Variants in MCU observed in about 807,000 individuals in gnomAD.
MCU encodes calcium uniporter protein, mitochondrial.
MCU carries 12 observed loss-of-function variants against 45.2 expected under a neutral mutation model. The observed-to-expected ratio is 0.27, with a 90% confidence interval of 0.17 to 0.43. MCU has a LOEUF of 0.43. Among genes scored for constraint, MCU ranks in the 20% least tolerant of loss-of-function variants. The pLI is 1.00. For synonymous variants in MCU, 160 were observed against 165.1 expected (o/e 0.97, Z 0.24); for missense variants, 324 against 436.7 (o/e 0.74, Z 2.30).
chr10:72,773,263 A>G (rs1843839143), intron 1 of MCU, among the ~76,000 whole-genome samples: 1 of 152,198 alleles, frequency 6.6e-6, no homozygotes, highest in Admixed American at 6.5e-5. Context: ...TCAGAAATTT[A>G]TCAGAGAAAT....
chr10:72,882,071 C>A (rs553475411), intron 6 of MCU, among the ~76,000 whole-genome samples: 9 of 152,164 alleles, frequency 5.9e-5, no homozygotes, highest in African/African-American at 1.9e-4. Flanking sequence ...TAATTTCTTA[C>A]GCCTGTCTTT....
chr10:72,763,064 G>A (rs971506392), intron 1 of MCU, among the ~76,000 whole-genome samples: 1 of 151,916 alleles, frequency 6.6e-6, no homozygotes, highest in Non-Finnish European at 1.5e-5. Flanking sequence ...TTCCTTTCAG[G>A]CTGCCATCTC....
At chr10:72,862,834 G>C (rs1042243998) in intron 4 of MCU, among the ~76,000 whole-genome samples, 2 of 151,874 alleles carry the variant, frequency 1.3e-5, no homozygotes, top group African/African-American at 4.8e-5. Context: ...CGAGGCAGGA[G>C]GATTGCTTAA....
At chr10:72,804,768 A>G (rs1844404497) in intron 1 of MCU, among the ~76,000 whole-genome samples, 1 of 152,158 alleles carries the variant, frequency 6.6e-6, no homozygotes, top group South Asian at 2.1e-4. Flanking sequence ...AATTGTATCC[A>G]CGTCTTAGCC....
At chr10:72,714,849 A>G (rs1466201823) in intron 1 of MCU, among the ~76,000 whole-genome samples, 1 of 152,164 alleles carries the variant, frequency 6.6e-6, no homozygotes, top group African/African-American at 2.4e-5. Flanking sequence ...CCCTGCCCAA[A>G]TATTTAATAC....
intron 4 of MCU, among the ~76,000 whole-genome samples, chr10:72,866,708 A>G (rs1049140592): frequency 1.3e-5 from 2 of 152,130 alleles, no homozygotes; most frequent in African/African-American, 4.8e-5. Context: ...TTATAAATAC[A>G]TGGGGAAGAT....
intron 1 of MCU, among the ~76,000 whole-genome samples, chr10:72,797,229 TTA>T (rs1844263150): frequency 1.3e-5 from 2 of 150,058 alleles, no homozygotes; most frequent in African/African-American, 2.5e-5. Flanking sequence ...TTATTTTATT[TTA>T]TTTTTTTTTT....
At chr10:72,755,189 G>A (rs1387591988) in intron 1 of MCU, among the ~76,000 whole-genome samples, 1 of 118,496 alleles carries the variant, frequency 8.4e-6, no homozygotes, top group Non-Finnish European at 1.7e-5. Context: ...TGCTCTTGTT[G>A]CCTGGGCTAG....
Position 72,852,470 on chromosome 10 carries a change from A to G in MCU, c.221-6707A>G, listed in dbSNP as rs542146058. ...AGTATTAGCTGCTATGGGAATTACTATCCTGCTATAAACAACTAGAACACC... is the reference window on the plus strand; with the variant it reads ...AGTATTAGCTGCTATGGGAATTACTGTCCTGCTATAAACAACTAGAACACC... On this transcript the variant is annotated intron_variant, in intron 2 of 7. Coordinates refer to ENST00000373053, the MANE Select transcript of MCU (RefSeq NM_138357.3). 8.5e-5 allele frequency among the ~76,000 whole-genome samples: 13 copies of G among 152,362 alleles called. No individual in the cohort carries two copies. The East Asian group carries it at 2.3e-3, about 27-fold the overall frequency.
chr10:72,760,167 C>T (rs994949030), intron 1 of MCU, among the ~76,000 whole-genome samples: 9 of 152,138 alleles, frequency 5.9e-5, no homozygotes, highest in Admixed American at 2.0e-4. Flanking sequence ...ACCTCAGCCT[C>T]CTGAGTAGCA....
chr10:72,880,809 C>T (rs1845690606), intron 6 of MCU, among the ~76,000 whole-genome samples: 1 of 152,094 alleles, frequency 6.6e-6, no homozygotes, highest in Non-Finnish European at 1.5e-5. Flanking sequence ...AGAAACAGAC[C>T]CAGTATAAAT....
At chr10:72,753,685 G>A (rs186531131) in intron 1 of MCU, among the ~76,000 whole-genome samples, 41 of 152,134 alleles carry the variant, frequency 2.7e-4, no homozygotes, top group South Asian at 1.2e-3. Context: ...GACCAACCTG[G>A]GCAACATGGC....
intron 1 of MCU, among the ~76,000 whole-genome samples, chr10:72,697,699 G>T (rs1842708176): frequency 6.6e-6 from 1 of 152,112 alleles, no homozygotes; most frequent in Non-Finnish European, 1.5e-5. Context: ...CTCCCAAAGT[G>T]CTGGGATTAC....
chr10:72,847,682 G>T (rs1304762542), intron 2 of MCU, among the ~76,000 whole-genome samples: 1 of 152,136 alleles, frequency 6.6e-6, no homozygotes, highest in African/African-American at 2.4e-5. Context: ...CAACAAAGGG[G>T]CATAAACTAA....
At chr10:72,756,742 G>T (rs1843581598) in intron 1 of MCU, 1 of 152,134 alleles carries the variant, frequency 6.6e-6, no homozygotes, top group African/African-American at 2.4e-5. Flanking sequence ...ATTCTCTGTT[G>T]ACGTTTTATG....
intron 1 of MCU, among the ~76,000 whole-genome samples, chr10:72,815,631 A>T (rs1016244436): frequency 1.3e-5 from 2 of 152,214 alleles, no homozygotes; most frequent in African/African-American, 4.8e-5. Flanking sequence ...TTAACCAGCA[A>T]AATACTTTAA....
chr10:72,806,580 A>G (rs1412462477), intron 1 of MCU, among the ~76,000 whole-genome samples: 1 of 152,246 alleles, frequency 6.6e-6, no homozygotes, highest in Non-Finnish European at 1.5e-5. Flanking sequence ...TGCCAGGAAC[A>G]TACAGAACTA....
chr10:72,761,923 G>A (rs1843662187), intron 1 of MCU, among the ~76,000 whole-genome samples: 1 of 152,090 alleles, frequency 6.6e-6, no homozygotes, highest in African/African-American at 2.4e-5. Context: ...ACTTGTAAGT[G>A]AGAAGATTTA....
intron 1 of MCU, among the ~76,000 whole-genome samples, chr10:72,718,153 A>G (rs1842976999): frequency 6.6e-6 from 1 of 152,208 alleles, no homozygotes; most frequent in Admixed American, 6.5e-5. Context: ...TTATATGATC[A>G]CCTGAAGGTT....
Sources: allele counts gnomAD v4.1 joint callset (sites outside exome capture counted in the v4.1 genomes callset), GRCh38; gene constraint gnomAD v4.1.1; transcripts MANE v1.5; gene names NCBI Gene and HGNC (gene_info 2026-07-23, HGNC 2026-07-21).